The following SOD2 variants were observed in gnomAD, a reference collection of about 807,000 sequenced individuals.
SOD2 encodes superoxide dismutase 2, also known as superoxide dismutase [Mn], mitochondrial.
Under a neutral mutation model 27.0 loss-of-function variants are expected in SOD2, and 11 were observed. That is an observed-to-expected ratio of 0.41 (90% confidence interval 0.26 to 0.67). The LOEUF (loss-of-function observed/expected upper bound fraction) is 0.67, where lower values mean the gene tolerates loss of function less well. SOD2 is among the 30% of genes least tolerant of loss of function. The pLI is 0.34. For missense variants in SOD2, 250 were observed against 274.5 expected (o/e 0.91, Z 0.63); for synonymous variants, 105 against 103.0 (o/e 1.02, Z -0.12).
intron 1 of SOD2, chr6:159,736,209 C>G (rs1010492661): frequency 7.0e-6 from 11 of 1,562,314 alleles, no homozygotes; most frequent in Middle Eastern, 1.7e-4. Context: ...TTCCTACTTT[C>G]ACTGGAAGAA....
chr6:159,736,521 T>G, intron 1 of SOD2: 1 of 406,482 alleles, frequency 2.5e-6, no homozygotes, highest in Non-Finnish European at 4.4e-6. Flanking sequence ...AAACTTTAGT[T>G]ATAATAATAT....
chr6:159,688,342 C>G, intron 2 of SOD2, 100 bp from the exon 3 acceptor site: 2 of 728,968 alleles, frequency 2.7e-6, no homozygotes, highest in South Asian at 3.2e-5. Context: ...GATAATGGGA[C>G]CAGCTTATCT....
At chr6:159,710,545 A>T (rs1164267586) in intron 1 of SOD2, among the ~76,000 whole-genome samples, 1 of 151,922 alleles carries the variant, frequency 6.6e-6, no homozygotes, top group East Asian at 1.9e-4. Context: ...TATACTAGAC[A>T]TCCCTCCCAT....
chr6:159,706,778 C>T (rs1459553087), intron 1 of SOD2, among the ~76,000 whole-genome samples: 12 of 152,138 alleles, frequency 7.9e-5, no homozygotes, highest in Admixed American at 4.6e-4. Flanking sequence ...CTAATAGACA[C>T]CTACAGAACT....
chr6:159,761,942 G>T (rs915943431), exon 1 of SOD2: 11 of 963,048 alleles, frequency 1.1e-5, no homozygotes, highest in African/African-American at 1.0e-4. Flanking sequence ...CGCACAGTGG[G>T]ATGCGCGGGG....
rs1454065149 is a variant in SOD2 at position 159,678,721 on chromosome 6, G to T, written c.*3772C>A. On this transcript the variant is annotated 3_prime_UTR_variant, in exon 5 of 5. Coordinates refer to ENST00000538183, the MANE Select transcript of SOD2 (RefSeq NM_000636.4). ...GGGAACCCCACTTTATAGCCAGTCAGAAGTATAGGGACTTGCGATTGGTAT... is the reference window on the plus strand; with the variant it reads ...GGGAACCCCACTTTATAGCCAGTCATAAGTATAGGGACTTGCGATTGGTAT... 6.6e-6 allele frequency: 1 copy of T among 152,220 alleles called. No individual in the cohort carries two copies. Among genetic ancestry groups the T allele is most frequent in the East Asian group, 1.9e-4 (1 of 5,186 alleles). The allele number at this position is 152,220 out of a possible 1,614,324, so 9.4% of individuals were successfully genotyped here.
rs1779871676 is a variant in SOD2, at chr6:159,679,865, G to A, written c.*2628C>T. The stretch of plus-strand genomic sequence containing the variant: ...ACGCTGGTCTTGAACTCCTTCAAGT[G>A]TTCTGCCTGCCTTGGCCTCCCAAAG... On this transcript the variant is annotated 3_prime_UTR_variant, in exon 5 of 5. Coordinates refer to ENST00000538183, the MANE Select transcript of SOD2 (RefSeq NM_000636.4). The A allele has an allele frequency of 6.6e-6, 1 of 151,426 alleles. No homozygotes were observed. The highest frequency in any genetic ancestry group is 6.6e-5 in the Admixed American group (1 of 15,136). The allele number at this position is 151,426 out of a possible 1,614,324, so 9.4% of individuals were successfully genotyped here.
chr6:159,710,710 C>T (rs551407931), intron 1 of SOD2, among the ~76,000 whole-genome samples: 1 of 151,714 alleles, frequency 6.6e-6, no homozygotes, highest in East Asian at 1.9e-4. Context: ...CTAACCACCT[C>T]CATAACCACC....
intron 1 of SOD2, among the ~76,000 whole-genome samples, chr6:159,717,931 ATGTG>A (rs1777953236): frequency 6.8e-6 from 1 of 147,558 alleles, no homozygotes. Context: ...GTGTGTGTAT[ATGTG>A]TATATATATA....
chr6:159,738,906 C>G (rs1779077661), intron 1 of SOD2: 5 of 991,638 alleles, frequency 5.0e-6, no homozygotes, highest in Non-Finnish European at 7.7e-6. Flanking sequence ...AAATCTCACA[C>G]TTGGGAGATG....
rs1779887233 is a variant in SOD2, at chr6:159,680,232, A to C, written c.*2261T>G. On this transcript the variant is annotated 3_prime_UTR_variant, in exon 5 of 5. Transcript: ENST00000538183. ...ATCTAGCAGACAACTTATATTCAAA[A>C]GCTCATCTTTCAAAAGGTTCCACCT... The C allele has an allele frequency of 6.6e-6, 1 of 152,238 alleles. No homozygotes were observed. 9.4% of individuals were successfully genotyped at this position (152,238 alleles called of 1,614,324 possible). A position where few individuals can be genotyped will look rare whatever the true frequency, so the allele number is the denominator to read the frequency against.
chr6:159,752,273 ATG>A (rs1779847836), intron 1 of SOD2, among the ~76,000 whole-genome samples: 2 of 152,228 alleles, frequency 1.3e-5, no homozygotes, highest in Non-Finnish European at 2.9e-5. Context: ...AAGGACAAGA[ATG>A]TCACACTGTC....
intron 1 of SOD2, among the ~76,000 whole-genome samples, chr6:159,705,764 G>A (rs1165888542): frequency 1.3e-5 from 2 of 152,140 alleles, no homozygotes; most frequent in South Asian, 2.1e-4. Context: ...GAAATACAGA[G>A]AATGCCACAA....
At chr6:159,734,542 T>C (rs1243205984) in intron 1 of SOD2, among the ~76,000 whole-genome samples, 1 of 152,086 alleles carries the variant, frequency 6.6e-6, no homozygotes, top group Non-Finnish European at 1.5e-5. Context: ...CTGGGCGTGA[T>C]CCTTCCACAG....
In SOD2 at chr6:159,676,067, G is replaced by C. The variant is rs1258481297; in HGVS notation, c.*6426C>G. 6.6e-6 allele frequency: 1 copy of C among 152,212 alleles called. No individual in the cohort carries two copies. Among genetic ancestry groups the C allele is most frequent in the African/African-American group, 2.4e-5 (1 of 41,456 alleles). 9.4% of individuals were successfully genotyped at this position (152,212 alleles called of 1,614,324 possible). On this transcript the variant is annotated 3_prime_UTR_variant, in exon 5 of 5. Transcript: ENST00000538183. ...ATGAGATACCATCTCACACCAGTTA[G>C]AATGTCAATCATTAAAAAGTCAGGA...
intron 3 of SOD2, among the ~76,000 whole-genome samples, chr6:159,686,044 G>C (rs1780171992): frequency 3.9e-5 from 6 of 152,124 alleles, no homozygotes; most frequent in Admixed American, 3.9e-4. Flanking sequence ...CTGTCTTGAT[G>C]GGCAGTTTTC....
chr6:159,740,679 G>A (rs1046835813), intron 1 of SOD2, among the ~76,000 whole-genome samples: 11 of 151,124 alleles, frequency 7.3e-5, no homozygotes, highest in Admixed American at 1.3e-4. Flanking sequence ...TTTGGTATTA[G>A]GAAGGTTTTT....
rs1779947301 is a variant in SOD2, at chr6:159,681,214, G to C, written c.*1279C>G. ...AAGCACAGAAATAAAGGAGAATCTT[G>C]AGTTTCCTTCACCGAAAACTCCAGG... is the stretch of plus-strand genomic sequence containing the variant. On this transcript the variant is annotated 3_prime_UTR_variant, in exon 5 of 5. Transcript: ENST00000538183. The C allele has an allele frequency of 6.6e-6, 1 of 152,010 alleles. No homozygotes were observed. The highest frequency in any genetic ancestry group is 2.1e-4 in the South Asian group (1 of 4,804). 9.4% of individuals were successfully genotyped at this position (152,010 alleles called of 1,614,324 possible).
upstream of SOD2, chr6:159,727,787 G>A (rs1583056034): frequency 1.1e-6 from 1 of 944,362 alleles, no homozygotes; most frequent in Non-Finnish European, 1.3e-6. Context: ...CGGCGGGTAA[G>A]GGGCGGGCAG....
Sources: gnomAD v4.1 joint callset for allele counts (sites outside exome capture counted in the v4.1 genomes callset) on GRCh38, gnomAD v4.1.1 for gene constraint, MANE v1.5 for transcripts, NCBI Gene and HGNC (gene_info 2026-07-23, HGNC 2026-07-21) for gene names.